Variants in METAP2 observed in about 807,000 individuals in gnomAD.
The protein encoded by METAP2 is methionyl aminopeptidase 2, also known as methionine aminopeptidase 2.
Under a neutral mutation model 59.4 loss-of-function variants are expected in METAP2, and 25 were observed. The ratio of observed to expected loss-of-function variants is 0.42; its 90% CI spans 0.31 to 0.59. METAP2 has a LOEUF of 0.59. Ranked by LOEUF, METAP2 falls within the 20% of genes least tolerant of loss-of-function variation. METAP2 has a pLI of 0.16. For missense variants in METAP2, 366 were observed against 581.2 expected, an observed-to-expected ratio of 0.63 and a Z score of 3.81; for synonymous variants, 214 against 194.1, an observed-to-expected ratio of 1.10 and a Z score of -0.85.
At position 95,474,168 on chromosome 12, in the gene METAP2, C is replaced by A; in HGVS notation, c.-12C>A. On this transcript the variant is annotated 5_prime_UTR_variant, in exon 1 of 11. Transcript: ENST00000323666. Reference sequence around the variant, plus strand: ...CCGCTCTGTCTCATTCCCTCGCGCTCTCTCGGGCAACATGGCGGGTGTGGA... The same window carrying A: ...CCGCTCTGTCTCATTCCCTCGCGCTATCTCGGGCAACATGGCGGGTGTGGA... 1 of 1,613,340 alleles carries A rather than the reference C, an allele frequency of 6.2e-7. No homozygotes were observed. Among genetic ancestry groups the A allele is most frequent in the South Asian group, 1.1e-5 (1 of 91,016 alleles).
At chr12:95,479,302 G>A (rs2076142184) in intron 2 of METAP2, among the ~76,000 whole-genome samples, 1 of 152,186 alleles carries the variant, frequency 6.6e-6, no homozygotes, top group African/African-American at 2.4e-5. Context: ...CAAAAGACTT[G>A]GAGACTTGCA....
At chr12:95,508,894 A>G (rs1290204624) in intron 8 of METAP2, among the ~76,000 whole-genome samples, 1 of 152,126 alleles carries the variant, frequency 6.6e-6, no homozygotes, top group East Asian at 1.9e-4. Flanking sequence ...CAGTGTTCTT[A>G]GTTTAAGGCA....
In METAP2 at chr12:95,514,937, TC is replaced by T. The variant is rs2076435628; in HGVS notation, c.*1035del. The T allele has an allele frequency of 6.6e-6, 1 of 152,568 alleles. No homozygotes were observed. The highest frequency in any genetic ancestry group is 6.5e-5 in the Admixed American group (1 of 15,272). The allele number at this position is 152,568 out of a possible 1,614,324, so 9.5% of individuals were successfully genotyped here. On this transcript the variant is annotated 3_prime_UTR_variant, in exon 11 of 11. Transcript: ENST00000323666. Reference sequence around the variant, plus strand: ...TCAGGAAGTGACGTTACAGTTACTTTCCTTATAGCGGCTAAGTGTATTAAGT... The same window carrying T: ...TCAGGAAGTGACGTTACAGTTACTTTCTTATAGCGGCTAAGTGTATTAAGT...
chr12:95,491,146 G>A (rs1266794664), intron 4 of METAP2, among the ~76,000 whole-genome samples: 1 of 150,946 alleles, frequency 6.6e-6, no homozygotes, highest in Non-Finnish European at 1.5e-5. Flanking sequence ...TAATCTGTGG[G>A]GCTACTTTGG....
At chr12:95,498,034 G>A (rs1218499583) in intron 7 of METAP2, among the ~76,000 whole-genome samples, 1 of 151,628 alleles carries the variant, frequency 6.6e-6, no homozygotes, top group African/African-American at 2.4e-5. Flanking sequence ...TGAGGAGGCT[G>A]AGGCAGGAGA....
intron 8 of METAP2, 38 bp from the exon 9 acceptor site, chr12:95,511,853 TGAGA>T (rs1297294882): frequency 2.9e-6 from 4 of 1,397,604 alleles, no homozygotes; most frequent in Admixed American, 3.6e-5. Context: ...TTTTGCTTCT[TGAGA>T]TCCTGAATGA....
rs932681064 is a variant in METAP2 at position 95,486,247 on chromosome 12, CCT to C, written c.428+271_428+272del. 1.0e-3 allele frequency among the ~76,000 whole-genome samples: 152 copies of C among 151,814 alleles called. 1 individual carries two copies. The highest frequency in any genetic ancestry group is 3.6e-3 in the African/African-American group (149 of 41,374). On this transcript the variant is annotated intron_variant, in intron 4 of 10. Coordinates refer to ENST00000323666, the MANE Select transcript of METAP2 (RefSeq NM_006838.4). ...TTAACTTAAACAAATTTGTTTTTCA[CCT>C]CTCTTGAAATTTGGGTATGGTTTAG...
chr12:95,487,801 T>C (rs2076208566), intron 4 of METAP2, among the ~76,000 whole-genome samples: 1 of 152,212 alleles, frequency 6.6e-6, no homozygotes, highest in South Asian at 2.1e-4. Context: ...TGCTAACTCT[T>C]GGAAGTTCCT....
chr12:95,487,142 C>A (rs1178969927), intron 4 of METAP2, among the ~76,000 whole-genome samples: 2 of 152,170 alleles, frequency 1.3e-5, no homozygotes, highest in African/African-American at 2.4e-5. Flanking sequence ...ATAAAGCAAG[C>A]TAGTTCCTGT....
intron 3 of METAP2, chr12:95,484,644 C>G (rs1365411957): frequency 3.5e-6 from 1 of 286,880 alleles, no homozygotes; most frequent in African/African-American, 2.3e-5. Context: ...ATGCCATTAA[C>G]ATTTGTTCTG....
chr12:95,508,645 A>G (rs1332755581), intron 8 of METAP2, among the ~76,000 whole-genome samples: 1 of 152,008 alleles, frequency 6.6e-6, no homozygotes, highest in African/African-American at 2.4e-5. Context: ...ACATATACCA[A>G]TGTCTTCTCT....
intron 8 of METAP2, among the ~76,000 whole-genome samples, chr12:95,505,702 C>T (rs1338567193): frequency 2.7e-5 from 4 of 150,262 alleles, no homozygotes; most frequent in African/African-American, 7.3e-5. Flanking sequence ...GTCATGTTGG[C>T]CAGGCTGGTC....
At chr12:95,491,572 G>A (rs1420783770) in intron 4 of METAP2, among the ~76,000 whole-genome samples, 1 of 151,874 alleles carries the variant, frequency 6.6e-6, no homozygotes, top group Non-Finnish European at 1.5e-5. Context: ...GTGCAGTGGT[G>A]CAGTCTTGGC....
chr12:95,509,847 C>CTTTT (rs1210964780), intron 8 of METAP2, among the ~76,000 whole-genome samples: 6 of 131,610 alleles, frequency 4.6e-5, no homozygotes, highest in South Asian at 2.4e-4. Flanking sequence ...CCCCCCCAAC[C>CTTTT]TTTTTTTTTT....
At chr12:95,477,847 A>G (rs1212275957) in intron 2 of METAP2, among the ~76,000 whole-genome samples, 1 of 152,244 alleles carries the variant, frequency 6.6e-6, no homozygotes, top group Non-Finnish European at 1.5e-5. Flanking sequence ...ATTCAAGGGA[A>G]TTACTAGCTT....
chr12:95,495,076 G>A lies in METAP2; in HGVS notation c.710G>A (p.Gly237Asp). Residue 237 changes from glycine (G) to aspartate (D), a missense_variant, in exon 6 of 11, where the codon GGT becomes GAT. Physicochemically the swap from Gly to Asp is moderately conservative, Grantham distance 94 (BLOSUM62 -1). Coordinates refer to ENST00000323666, the MANE Select transcript of METAP2 (RefSeq NM_006838.4). ...NCAAHYTPNA[G>D]DTTVLQYDDI... ...GCTGCCCATTATACTCCCAATGCCGGTGACACAACAGTATTACAGTATGAT... is the reference window on the plus strand; with the variant it reads ...GCTGCCCATTATACTCCCAATGCCGATGACACAACAGTATTACAGTATGAT... 1 of 1,613,644 alleles carries A rather than the reference G, an allele frequency of 6.2e-7. No individual in the cohort carries two copies. Among genetic ancestry groups the A allele is most frequent in the East Asian group, 2.2e-5 (1 of 44,852 alleles).
intron 7 of METAP2, among the ~76,000 whole-genome samples, chr12:95,500,687 G>C (rs768063744): frequency 2.0e-5 from 3 of 152,100 alleles, no homozygotes; most frequent in Non-Finnish European, 4.4e-5. Flanking sequence ...TTATTAGATT[G>C]ATCTGTTTTT....
intron 7 of METAP2, among the ~76,000 whole-genome samples, chr12:95,496,323 A>G (rs1163393481): frequency 1.3e-5 from 2 of 152,090 alleles, no homozygotes; most frequent in Non-Finnish European, 2.9e-5. Flanking sequence ...GAACTTTGCT[A>G]AAATTTATTA....
intron 2 of METAP2, chr12:95,482,199 T>G (rs2076163614): frequency 2.2e-6 from 1 of 451,816 alleles, no homozygotes; most frequent in South Asian, 1.6e-5. Context: ...AGCCTTGACT[T>G]CCCTGGCTCA....
Sources: allele counts gnomAD v4.1 joint callset (sites outside exome capture counted in the v4.1 genomes callset), GRCh38; gene constraint gnomAD v4.1.1; transcripts MANE v1.5; gene names NCBI Gene and HGNC (gene_info 2026-07-23, HGNC 2026-07-21).